The following MICAL2 variants were observed in gnomAD, a reference collection of about 807,000 sequenced individuals.
MICAL2 encodes microtubule associated monooxygenase, calponin and LIM domain containing 2.
Under a neutral mutation model 127.3 loss-of-function variants are expected in MICAL2, and 77 were observed. The ratio of observed to expected loss-of-function variants is 0.60; its 90% CI spans 0.50 to 0.73. The LOEUF is 0.73. Among genes scored for constraint, MICAL2 ranks in the 30% least tolerant of loss-of-function variants. MICAL2 has a pLI of 0.00. For missense variants in MICAL2, 1,351 were observed against 1,434.4 expected (o/e 0.94, Z 0.94); for synonymous variants, 570 against 551.1 (o/e 1.03, Z -0.48).
At chr11:12,156,982 C>A (rs1251776666) in intron 2 of MICAL2, among the ~76,000 whole-genome samples, 1 of 152,208 alleles carries the variant, frequency 6.6e-6, no homozygotes, top group Non-Finnish European at 1.5e-5. Flanking sequence ...TTGAACAGGG[C>A]TGCTTGGCAG....
rs373245185 is a variant in MICAL2 at position 12,224,735 on chromosome 11, C to T, written c.1603C>T (p.His535Tyr). The change falls in exon 13 of 28, where the codon CAT (histidine) becomes TAT (tyrosine). Residue 535 changes from histidine (H) to tyrosine (Y), a missense_variant. By Grantham distance (83) the His-to-Tyr change is moderately conservative (BLOSUM62 2). Around this residue, in one of 2 missense-constraint regions of MICAL2, gnomAD observed 599 missense variants for 714.9 expected, o/e 0.84. Transcript: ENST00000683283. ...CCAGCAGCAGACAGAGGGCTACCAG[C>T]ATGTCAACGTCACCGACCTGACCAC... ...WCQQQTEGYQ[H>Y]VNVTDLTTSW... 5 of 1,614,110 alleles carry T rather than the reference C, an allele frequency of 3.1e-6. No homozygotes were observed. The African/African-American group carries it at 6.7e-5, about 22-fold the overall frequency.
In MICAL2 at chr11:12,224,770, C is replaced by G. The variant is rs182608997; in HGVS notation, c.1638C>G (p.Arg546=). 4.8e-5 allele frequency: 78 copies of G among 1,614,212 alleles called. No individual in the cohort carries two copies. In the African/African-American group the frequency reaches 9.7e-4, roughly 20 times the overall value. Reference sequence around the variant, plus strand: ...TCACCGACCTGACCACATCCTGGCGCAGTGGGTTGGCCCTGTGTGCCATCA... The same window carrying G: ...TCACCGACCTGACCACATCCTGGCGGAGTGGGTTGGCCCTGTGTGCCATCA... ...VNVTDLTTSW[R]SGLALCAIIH... The change falls in exon 13 of 28, where the codon CGC becomes CGG. Residue 546 remains arginine, a synonymous_variant. Coordinates refer to ENST00000683283, the MANE Select transcript of MICAL2 (RefSeq NM_001282663.2).
intron 29 of MICAL2, among the ~76,000 whole-genome samples, chr11:12,315,330 C>G (rs1219438443): frequency 6.6e-6 from 1 of 152,186 alleles, no homozygotes; most frequent in African/African-American, 2.4e-5. Flanking sequence ...CCATACATTT[C>G]CCTCTGGGCA....
In MICAL2 at chr11:12,220,463, T is replaced by C. The variant is rs751060574; in HGVS notation, c.1206+5T>C. ...GTGGGTGACAGCTTGCTTGAGGTAC[T>C]GCCTGAGCTCGGAGCCCCCATGTTT... On this transcript the variant is annotated splice_donor_5th_base_variant and intron_variant, in intron 9 of 27. Transcript: ENST00000683283. The C allele has an allele frequency of 3.1e-6, 5 of 1,605,958 alleles. No individual in the cohort carries two copies. In the Admixed American group the frequency reaches 8.3e-5, roughly 27 times the overall value.
intron 6 of MICAL2, among the ~76,000 whole-genome samples, chr11:12,212,743 TTG>T (rs34407175): frequency 0.44 from 67,040 of 151,516 alleles, 15,714 homozygotes; most frequent in African/African-American, 0.59. Flanking sequence ...ACACATGAAT[TTG>T]TGTGTGTGTG....
intron 1 of MICAL2, among the ~76,000 whole-genome samples, chr11:12,114,823 G>C (rs757733170): frequency 3.9e-5 from 6 of 152,192 alleles, no homozygotes; most frequent in Admixed American, 1.3e-4. Flanking sequence ...ACTATCTGCT[G>C]CTCCCCCTCA....
intron 15 of MICAL2, among the ~76,000 whole-genome samples, chr11:12,232,000 CCT>C (rs1274340872): frequency 6.6e-6 from 1 of 152,194 alleles, no homozygotes; most frequent in Non-Finnish European, 1.5e-5. Flanking sequence ...TCAGAAATCT[CCT>C]TTGCTTGTCT....
intron 30 of MICAL2, among the ~76,000 whole-genome samples, chr11:12,323,714 A>C (rs188568899): frequency 6.6e-6 from 1 of 152,342 alleles, no homozygotes; most frequent in East Asian, 1.9e-4. Context: ...ATTAAAATTG[A>C]ATAAAATTTA....
intron 30 of MICAL2, among the ~76,000 whole-genome samples, chr11:12,322,957 C>T (rs550716539): frequency 6.6e-6 from 1 of 152,206 alleles, no homozygotes; most frequent in East Asian, 1.9e-4. Context: ...TCTCATTACT[C>T]TAAAGAGAGC....
At chr11:12,156,159 G>C (rs1355033489) in intron 2 of MICAL2, among the ~76,000 whole-genome samples, 1 of 152,228 alleles carries the variant, frequency 6.6e-6, no homozygotes, top group African/African-American at 2.4e-5. Flanking sequence ...CCCTGAGGCT[G>C]TGTGGCAAAA....
chr11:12,249,322 G>A (rs1270332326), intron 22 of MICAL2, 76 bp downstream of exon 22: 2 of 834,412 alleles, frequency 2.4e-6, no homozygotes, highest in African/African-American at 3.4e-5. Context: ...CAGGGCTCTG[G>A]GAGTTAAGCG....
chr11:12,258,670 C>A, intron 25 of MICAL2, 114 bp downstream of exon 25: 2 of 912,912 alleles, frequency 2.2e-6, no homozygotes, highest in Non-Finnish European at 3.4e-6. Flanking sequence ...AGATGACTCA[C>A]AGATAAAGAA....
At chr11:12,321,592 C>T (rs1203190055) in intron 30 of MICAL2, among the ~76,000 whole-genome samples, 1 of 152,246 alleles carries the variant, frequency 6.6e-6, no homozygotes. Flanking sequence ...GCGTCTTTCC[C>T]TCTCTGCATC....
chr11:12,301,835 C>A (rs557643935), intron 29 of MICAL2, among the ~76,000 whole-genome samples: 12 of 152,250 alleles, frequency 7.9e-5, no homozygotes, highest in African/African-American at 2.9e-4. Flanking sequence ...CCTATCCTTC[C>A]GATGATTCCA....
rs371473473 is a variant in MICAL2, at chr11:12,182,844, G to C, written c.264+20425G>C. Among the ~76,000 whole-genome samples, 15 of 152,226 alleles carry C rather than the reference G, an allele frequency of 9.9e-5. No individual in the cohort carries two copies. The East Asian group carries it at 2.5e-3, about 25-fold the overall frequency. On this transcript the variant is annotated intron_variant, in intron 3 of 27. Coordinates refer to ENST00000683283, the MANE Select transcript of MICAL2 (RefSeq NM_001282663.2). The stretch of plus-strand genomic sequence containing the variant: ...CTCATGGGTTGGGAATGTGTAGGCC[G>C]ATCCTCTGCTCACTGGAGTGCTTGC...
intron 2 of MICAL2, among the ~76,000 whole-genome samples, chr11:12,155,701 AAAAG>A (rs1159735997): frequency 6.6e-6 from 1 of 152,236 alleles, no homozygotes; most frequent in Non-Finnish European, 1.5e-5. Context: ...TAAAAATGAA[AAAAG>A]AAAGAAAAAA....
At chr11:12,198,774 T>C (rs1860274813) in intron 3 of MICAL2, among the ~76,000 whole-genome samples, 1 of 152,174 alleles carries the variant, frequency 6.6e-6, no homozygotes, top group African/African-American at 2.4e-5. Flanking sequence ...GCTTGCACTA[T>C]CCAAGCCCAA....
At chr11:12,317,660 T>A (rs1864246079) in intron 29 of MICAL2, among the ~76,000 whole-genome samples, 1 of 152,112 alleles carries the variant, frequency 6.6e-6, no homozygotes, top group African/African-American at 2.4e-5. Context: ...GGCATGTTGG[T>A]GGGCACCTGT....
chr11:12,258,049 G>C (rs1862565617), intron 24 of MICAL2, among the ~76,000 whole-genome samples: 1 of 152,214 alleles, frequency 6.6e-6, no homozygotes, highest in Non-Finnish European at 1.5e-5. Context: ...GCCTCAGTTT[G>C]ATTTGGGGAT....
Sources: allele counts gnomAD v4.1 joint callset (sites outside exome capture counted in the v4.1 genomes callset), GRCh38; gene constraint gnomAD v4.1.1; regional missense constraint gnomAD v4.1.1; transcripts MANE v1.5; gene names NCBI Gene and HGNC (gene_info 2026-07-23, HGNC 2026-07-21).